Variants in TNK2 observed in about 807,000 individuals in gnomAD.
TNK2 encodes the protein activated CDC42 kinase 1.
TNK2 carries 83 observed loss-of-function variants against 101.8 expected under a neutral mutation model. That is an observed-to-expected ratio of 0.82 (90% CI 0.68 to 0.98). The LOEUF (loss-of-function observed/expected upper bound fraction) is 0.98, where lower values mean the gene tolerates loss of function less well. Among genes scored for constraint, TNK2 ranks in the 50% least tolerant of loss-of-function variants. TNK2 has a pLI of 0.00. For missense variants in TNK2, 1,665 were observed against 1,483.2 expected (o/e 1.12, Z -2.01); for synonymous variants, 804 against 633.0 (o/e 1.27, Z -4.06).
At chr3:195,892,111 C>T in intron 1 of TNK2, 1 of 664,238 alleles carries the variant, frequency 1.5e-6, no homozygotes, top group South Asian at 4.7e-5. Flanking sequence ...CAGCACAGGG[C>T]ATGGCTGCAG....
Position 195,888,489 on chromosome 3 carries a change from G to C in TNK2, c.100C>G (p.Arg34Gly). 1 of 1,614,074 alleles carries C rather than the reference G, an allele frequency of 6.2e-7. No individual in the cohort carries two copies. Among genetic ancestry groups the C allele is most frequent in the Non-Finnish European group, 8.5e-7 (1 of 1,180,004 alleles). The change falls in exon 2 of 16, where the codon CGC becomes GGC. Residue 34 changes from arginine (R) to glycine (G), a missense_variant. Transcript: ENST00000672887. This position sits in a 1 kb window ranked among gnomAD's most constrained non-coding sequence, Gnocchi z 5.3. ...LRLRDDLNVT[R>G]LSHFEYVKNE... Reference sequence around the variant, plus strand: ...TTGACGTACTCAAAGTGGGACAGGCGGGTGACGTTGAGGTCATCTCGGAGC... The same window carrying C: ...TTGACGTACTCAAAGTGGGACAGGCCGGTGACGTTGAGGTCATCTCGGAGC...
At position 195,885,397 on chromosome 3, in the gene TNK2, A is replaced by T; in HGVS notation, c.235-364T>A. On this transcript the variant is annotated intron_variant, in intron 3 of 15. Transcript: ENST00000672887. The surrounding 1 kb of genome is among the most constrained non-coding windows in gnomAD (Gnocchi z 4.7). Reference sequence around the variant, plus strand: ...TCCCTTCCTGCACCCGCCACCCCGCAGACTCCAGCCCTAACCCGCATCGAT... The same window carrying T: ...TCCCTTCCTGCACCCGCCACCCCGCTGACTCCAGCCCTAACCCGCATCGAT... 1 of 1,337,552 alleles carries T rather than the reference A, an allele frequency of 7.5e-7. No homozygotes were observed. The highest frequency in any genetic ancestry group is 9.8e-7 in the Non-Finnish European group (1 of 1,020,502). 82.9% of individuals were successfully genotyped at this position (1,337,552 alleles called of 1,614,324 possible).
rs1219761640 is a variant in TNK2 at position 195,885,343 on chromosome 3, C to A, written c.235-310G>T. ...AGGGAGGGCACCGCCCAGCCAAGGT[C>A]GGAGTCTCCTCCCAGTCCTGCCCCA... On this transcript the variant is annotated intron_variant, in intron 3 of 15. Coordinates refer to ENST00000672887, the MANE Select transcript of TNK2 (RefSeq NM_001382273.1). The surrounding 1 kb of genome is among the most constrained non-coding windows in gnomAD (Gnocchi z 4.7). 2.2e-6 allele frequency: 3 copies of A among 1,377,154 alleles called. No homozygotes were observed. Among genetic ancestry groups the A allele is most frequent in the African/African-American group, 1.4e-5 (1 of 69,368 alleles). 85.3% of individuals were successfully genotyped at this position (1,377,154 alleles called of 1,614,324 possible). A position where few individuals can be genotyped will look rare whatever the true frequency, so the allele number is the denominator to read the frequency against.
chr3:195,886,923 G>A lies in TNK2; in HGVS notation c.234+54C>T, dbSNP rs1755881738. 9.4e-6 allele frequency: 15 copies of A among 1,589,520 alleles called. No individual in the cohort carries two copies. The highest frequency in any genetic ancestry group is 1.3e-5 in the Non-Finnish European group (15 of 1,157,776). On this transcript the variant is annotated intron_variant, in intron 3 of 15. Coordinates refer to ENST00000672887, the MANE Select transcript of TNK2 (RefSeq NM_001382273.1). The surrounding 1 kb of genome is among the most constrained non-coding windows in gnomAD (Gnocchi z 4.2). Reference sequence around the variant, plus strand: ...GAAGGTTCCCAGGACCAGAAGCGGAGGGGGGCGTTCGAGGCTGCCCCCCTC... The same window carrying A: ...GAAGGTTCCCAGGACCAGAAGCGGAAGGGGGCGTTCGAGGCTGCCCCCCTC...
At position 195,867,011 on chromosome 3, in the gene TNK2, C is replaced by T. The variant is rs200100429; in HGVS notation, c.3039G>A (p.Glu1013=). The T allele has an allele frequency of 6.2e-5, 100 of 1,613,204 alleles. No homozygotes were observed. The East Asian group carries it at 2.2e-3, about 35-fold the overall frequency. ...GCCGCAGACCCAGCCCGAAGAGCTG[C>T]TCCACCTGGGGGTAAGGGTGGCGCC... The part of the protein sequence containing the change: ...VQRAAQYLKV[E]QLFGLGLRPR... Residue 1013 remains glutamate, a synonymous_variant, in exon 15 of 16, where the codon GAG becomes GAA. Transcript: ENST00000672887.
intron 1 of TNK2, among the ~76,000 whole-genome samples, chr3:195,890,149 C>A (rs959702510): frequency 6.6e-6 from 1 of 152,380 alleles, no homozygotes; most frequent in South Asian, 2.1e-4. Flanking sequence ...GGCGACCGGG[C>A]CAGGCAGCTG....
intron 1 of TNK2, among the ~76,000 whole-genome samples, chr3:195,902,683 T>TA (rs1361411542): frequency 5.7e-5 from 8 of 139,996 alleles, no homozygotes; most frequent in Admixed American, 2.8e-4. Context: ...AAAGTAGGAA[T>TA]AAAAGAGAGC....
In TNK2 at chr3:195,867,735, C is replaced by A; in HGVS notation, c.2563G>T (p.Ala855Ser). Residue 855 changes from alanine to serine, a missense_variant, in exon 13 of 16, where the codon GCT becomes TCT. Physicochemically the swap from Ala to Ser is moderately conservative, Grantham distance 99. Around this residue, in one of 3 missense-constraint regions of TNK2, gnomAD observed 1,136 missense variants for 894.9 expected, o/e 1.27. Transcript: ENST00000672887. ...PQVIQAPGPR[A>S]GPCILPIVRD... Reference sequence around the variant, plus strand: ...ACGATGGGCAGGATGCAGGGACCAGCCCGCGGGCCAGGGGCCTGGATCACC... The same window carrying A: ...ACGATGGGCAGGATGCAGGGACCAGACCGCGGGCCAGGGGCCTGGATCACC... 1.2e-6 allele frequency: 2 copies of A among 1,602,494 alleles called. No homozygotes were observed. Among genetic ancestry groups the A allele is most frequent in the Non-Finnish European group, 8.5e-7 (1 of 1,175,514 alleles).
intron 1 of TNK2, among the ~76,000 whole-genome samples, chr3:195,893,022 G>A (rs1162020210): frequency 6.6e-6 from 1 of 151,894 alleles, no homozygotes; most frequent in Admixed American, 6.5e-5. Context: ...GACAACTCCT[G>A]GGACTTTAGG....
intron 2 of TNK2, among the ~76,000 whole-genome samples, chr3:195,887,289 C>G (rs957818833): frequency 5.3e-5 from 8 of 152,242 alleles, no homozygotes; most frequent in African/African-American, 1.9e-4. Context: ...ATGGGCTTCT[C>G]CCAGTTCTCA....
At chr3:195,907,894 T>C (rs1761903736) in intron 1 of TNK2, among the ~76,000 whole-genome samples, 1 of 152,106 alleles carries the variant, frequency 6.6e-6, no homozygotes, top group African/African-American at 2.4e-5. Context: ...CCAGTTGCTC[T>C]CCCTCCTTCC....
intron 12 of TNK2, 110 bp downstream of exon 12, chr3:195,869,387 C>A (rs1430590199): frequency 1.3e-5 from 13 of 1,020,090 alleles, no homozygotes; most frequent in South Asian, 1.4e-5. Flanking sequence ...CAGCACACAC[C>A]CACCCACCTC....
At chr3:195,898,675 G>A (rs1056778344) in intron 1 of TNK2, among the ~76,000 whole-genome samples, 1 of 152,154 alleles carries the variant, frequency 6.6e-6, no homozygotes, top group African/African-American at 2.4e-5. Flanking sequence ...GCCCAGGCTG[G>A]AGTGCAGTGG....
intron 1 of TNK2, among the ~76,000 whole-genome samples, chr3:195,907,593 C>A (rs1691409881): frequency 6.6e-6 from 1 of 152,220 alleles, no homozygotes; most frequent in South Asian, 2.1e-4. Flanking sequence ...ACAAGCAGCC[C>A]GCCAAGCCCC....
intron 9 of TNK2, chr3:195,876,424 A>G (rs1221747895): frequency 4.4e-6 from 2 of 456,608 alleles, no homozygotes; most frequent in Non-Finnish European, 8.8e-6. Flanking sequence ...ACAGATGCAC[A>G]CCCAGGCCCA....
At position 195,888,701 on chromosome 3, in the gene TNK2, C is replaced by T. The variant is rs1044140235; in HGVS notation, c.-18-95G>A. The T allele has an allele frequency of 2.4e-6, 3 of 1,244,874 alleles. No homozygotes were observed. In the African/African-American group the frequency reaches 4.5e-5, roughly 19 times the overall value. The allele number at this position is 1,244,874 out of a possible 1,614,324, so 77.1% of individuals were successfully genotyped here. On this transcript the variant is annotated intron_variant, in intron 1 of 15. Transcript: ENST00000672887. The surrounding 1 kb of genome is among the most constrained non-coding windows in gnomAD (Gnocchi z 5.3). ...GGCTCACCTTCATCCCACTACACGGCCACCCGGAAGGGCTCACACCACCTT... is the reference window on the plus strand; with the variant it reads ...GGCTCACCTTCATCCCACTACACGGTCACCCGGAAGGGCTCACACCACCTT...
rs1576963894 is a variant in TNK2, at chr3:195,863,830, G to T, written c.*351C>A. ...GGTTTCCTCCCAGTCTGTCACCCAG[G>T]GCAGGGCCTGGGGGTACTACTCCAC... On this transcript the variant is annotated 3_prime_UTR_variant, in exon 16 of 16. Transcript: ENST00000672887. 7.1e-6 allele frequency: 2 copies of T among 281,610 alleles called. No individual in the cohort carries two copies. Among genetic ancestry groups the T allele is most frequent in the East Asian group, 1.2e-4 (2 of 16,460 alleles). The allele number at this position is 281,610 out of a possible 1,614,324, so 17.4% of individuals were successfully genotyped here. A position where few individuals can be genotyped will look rare whatever the true frequency, so the allele number is the denominator to read the frequency against.
At chr3:195,889,867 G>A (rs1037744331) in intron 1 of TNK2, among the ~76,000 whole-genome samples, 4 of 152,178 alleles carry the variant, frequency 2.6e-5, no homozygotes, top group Admixed American at 6.5e-5. Flanking sequence ...AGAGGAACAG[G>A]CGAGAGAAAA....
intron 9 of TNK2, among the ~76,000 whole-genome samples, chr3:195,873,983 G>A (rs1747325218): frequency 6.6e-6 from 1 of 152,150 alleles, no homozygotes; most frequent in African/African-American, 2.4e-5. Context: ...CCCGAGACGA[G>A]ACGAGTCCCA....
Sources: allele counts gnomAD v4.1 joint callset (sites outside exome capture counted in the v4.1 genomes callset), GRCh38; gene constraint gnomAD v4.1.1; regional missense constraint gnomAD v4.1.1; non-coding constraint Gnocchi (gnomAD v3.1); transcripts MANE v1.5; gene names NCBI Gene and HGNC (gene_info 2026-07-23, HGNC 2026-07-21).